Variants in ATP11A observed in about 807,000 individuals in gnomAD.
ATP11A encodes the protein phospholipid-transporting ATPase IH.
In ATP11A, 81 loss-of-function variants were observed where a neutral mutation model predicts 154.4. The ratio of observed to expected loss-of-function variants is 0.52; its 90% confidence interval spans 0.44 to 0.63. The LOEUF (loss-of-function observed/expected upper bound fraction) is 0.63, where lower values mean the gene tolerates loss of function less well. Ranked by LOEUF, ATP11A falls within the 30% of genes least tolerant of loss-of-function variation. ATP11A has a pLI of 0.00. For synonymous variants in ATP11A, 623 were observed against 585.9 expected, an observed-to-expected ratio of 1.06 and a Z score of -0.91; for missense variants, 1,316 against 1,474.3, an observed-to-expected ratio of 0.89 and a Z score of 1.76.
At chr13:112,870,415 G>T (rs542069475) in intron 25 of ATP11A, among the ~76,000 whole-genome samples, 40 of 152,320 alleles carry the variant, frequency 2.6e-4, no homozygotes, top group African/African-American at 9.4e-4. Context: ...TCTGTGCTCT[G>T]TCGCCCACGT....
intron 2 of ATP11A, among the ~76,000 whole-genome samples, chr13:112,790,609 C>A (rs1234123186): frequency 6.7e-6 from 1 of 149,134 alleles, no homozygotes; most frequent in African/African-American, 2.5e-5. Flanking sequence ...GATGTGTAGA[C>A]CCCTGCGATA....
Position 112,779,700 on chromosome 13 carries a change from G to A in ATP11A, c.40-5435G>A, listed in dbSNP as rs184141022. On this transcript the variant is annotated intron_variant, in intron 1 of 29. Coordinates refer to ENST00000375645, the MANE Select transcript of ATP11A (RefSeq NM_015205.3). ...AGGCTGAGGCGGGCGGATCACCTGA[G>A]GTCAGGAGTTCGAGGCTAGCCTGGC... Among the ~76,000 whole-genome samples, 4 of 152,056 alleles carry A rather than the reference G, an allele frequency of 2.6e-5. No homozygotes were observed. In the East Asian group the frequency reaches 7.7e-4, roughly 29 times the overall value.
At chr13:112,841,042 C>T (rs1392337817) in intron 16 of ATP11A, among the ~76,000 whole-genome samples, 2 of 152,406 alleles carry the variant, frequency 1.3e-5, no homozygotes, top group Admixed American at 6.5e-5. Flanking sequence ...GTTTCTCCCA[C>T]CCTGCCGTCA....
intron 1 of ATP11A, among the ~76,000 whole-genome samples, chr13:112,769,301 C>T (rs2077171769): frequency 6.6e-6 from 1 of 152,264 alleles, no homozygotes; most frequent in Admixed American, 6.5e-5. Context: ...CCGCCCTCCT[C>T]TCTGAGGCTC....
chr13:112,842,441 C>G (rs2079449665), intron 17 of ATP11A, 62 bp downstream of exon 17: 1 of 1,203,094 alleles, frequency 8.3e-7, no homozygotes, highest in African/African-American at 1.5e-5. Flanking sequence ...GGAAGGAATT[C>G]CATGTTCCAC....
intron 17 of ATP11A, among the ~76,000 whole-genome samples, chr13:112,843,002 G>A (rs533402703): frequency 5.9e-4 from 90 of 152,350 alleles, no homozygotes; most frequent in African/African-American, 8.2e-4. Context: ...CGCTAAAGCC[G>A]GGCAACACGT....
intron 25 of ATP11A, among the ~76,000 whole-genome samples, chr13:112,870,939 G>A (rs535808090): frequency 6.6e-6 from 1 of 152,350 alleles, no homozygotes. Flanking sequence ...CTGTGTCTGT[G>A]CTGCGTTGCC....
chr13:112,745,930 C>T (rs984839654), intron 1 of ATP11A: 2 of 152,178 alleles, frequency 1.3e-5, no homozygotes, highest in African/African-American at 4.8e-5. Context: ...TCCCCACCTC[C>T]CCTCCCCCAG....
In ATP11A at chr13:112,785,717, G is replaced by A. The variant is rs1008170922; in HGVS notation, c.162+460G>A. Among the ~76,000 whole-genome samples the A allele has an allele frequency of 6.6e-6, 1 of 152,154 alleles. No individual in the cohort carries two copies. The highest frequency in any genetic ancestry group is 6.5e-5 in the Admixed American group (1 of 15,282). The stretch of plus-strand genomic sequence containing the variant: ...GGGGGAAATCTTTGAGCTTGTTCAC[G>A]AGGTGCAGCCCAGGTAAAGCGTAGG... On this transcript the variant is annotated intron_variant, in intron 2 of 29. Transcript: ENST00000375645. The surrounding 1 kb of genome is among the most constrained non-coding windows in gnomAD (Gnocchi z 4.8).
chr13:112,831,180 G>C (rs204920), intron 12 of ATP11A, among the ~76,000 whole-genome samples, 195 bp from the exon 13 acceptor site: 55,618 of 152,040 alleles, frequency 0.37, 11,366 homozygotes, highest in African/African-American at 0.55. Flanking sequence ...GGTCCTGTTG[G>C]ACGCTGGGAA....
chr13:112,823,436 T>G, intron 9 of ATP11A, 27 bp downstream of exon 9: 1 of 1,563,012 alleles, frequency 6.4e-7, no homozygotes, highest in Non-Finnish European at 8.8e-7. Context: ...TTATTAACCA[T>G]TGCCCCTAAC....
At chr13:112,724,141 ACCCCCTTTGCCCCTATTG>A in intron 1 of ATP11A, among the ~76,000 whole-genome samples, 1 of 30,476 alleles carries the variant, frequency 3.3e-5, no homozygotes, top group East Asian at 1.2e-3. Flanking sequence ...CGCCCCCTTC[ACCCCCTTTGCCCCTATTG>A]CCCCCTTCTC....
intron 16 of ATP11A, among the ~76,000 whole-genome samples, chr13:112,841,376 C>T (rs1194870305): frequency 5.0e-5 from 7 of 140,950 alleles, no homozygotes; most frequent in African/African-American, 8.1e-5. Context: ...GGAGCACCTG[C>T]GCCCAGGCAC....
chr13:112,871,816 C>T lies in ATP11A; in HGVS notation c.3057+16C>T, dbSNP rs757650219. The stretch of plus-strand genomic sequence containing the variant: ...TACACTAAAGGTAAGTGGTCTCGCG[C>T]TCACGTTCCTCCCCCAGCCACAGTG... On this transcript the variant is annotated intron_variant, in intron 26 of 29. Coordinates refer to ENST00000375645, the MANE Select transcript of ATP11A (RefSeq NM_015205.3). The T allele has an allele frequency of 1.2e-6, 2 of 1,611,896 alleles. No homozygotes were observed. Among genetic ancestry groups the T allele is most frequent in the Non-Finnish European group, 1.7e-6 (2 of 1,178,032 alleles).
At chr13:112,832,617 G>A (rs2079124844) in intron 13 of ATP11A, among the ~76,000 whole-genome samples, 1 of 152,134 alleles carries the variant, frequency 6.6e-6, no homozygotes, top group South Asian at 2.1e-4. Context: ...TAGAAGTGTC[G>A]GTGCTGAACG....
intron 29 of ATP11A, 70 bp from the exon 30 acceptor site, chr13:112,881,804 TTC>T (rs1485014710): frequency 2.9e-6 from 4 of 1,366,180 alleles, no homozygotes; most frequent in Non-Finnish European, 2.9e-6. Context: ...ATGTGTCTCG[TTC>T]TCTCAGCAGA....
intron 1 of ATP11A, among the ~76,000 whole-genome samples, chr13:112,725,552 A>G (rs1020460106): frequency 6.6e-6 from 1 of 152,194 alleles, no homozygotes; most frequent in African/African-American, 2.4e-5. Flanking sequence ...TGACTGGCAC[A>G]AGTGTGTGCT....
rs1321545027 is a variant in ATP11A, at chr13:112,754,914, G to A, written c.40-30221G>A. On this transcript the variant is annotated intron_variant, in intron 1 of 29. Coordinates refer to ENST00000375645, the MANE Select transcript of ATP11A (RefSeq NM_015205.3). The surrounding 1 kb of genome is among the most constrained non-coding windows in gnomAD (Gnocchi z 5.3). ...CAGCCCTCCTAGACACCCTGCACTT[G>A]CCCCTCCCGAGCGCGTGTGCCTGAC... 6.6e-6 allele frequency among the ~76,000 whole-genome samples: 1 copy of A among 152,186 alleles called. No homozygotes were observed. Among genetic ancestry groups the A allele is most frequent in the African/African-American group, 2.4e-5 (1 of 41,440 alleles).
At chr13:112,705,317 C>A (rs761044568) in intron 1 of ATP11A, among the ~76,000 whole-genome samples, 1 of 136,188 alleles carries the variant, frequency 7.3e-6, no homozygotes, top group African/African-American at 3.8e-5. Flanking sequence ...GCGAATGACA[C>A]GTAGAGAGGG....
Sources: allele counts gnomAD v4.1 joint callset (sites outside exome capture counted in the v4.1 genomes callset), GRCh38; gene constraint gnomAD v4.1.1; non-coding constraint Gnocchi (gnomAD v3.1); transcripts MANE v1.5; gene names NCBI Gene and HGNC (gene_info 2026-07-23, HGNC 2026-07-21).